ANXA8: variants seen among roughly 807,000 people sequenced by gnomAD.
ANXA8 encodes the protein annexin A8.
A neutral mutation model predicts 26.8 loss-of-function variants in ANXA8; 9 were observed. The observed-to-expected ratio is 0.34, with a 90% CI of 0.20 to 0.59. ANXA8 has a LOEUF of 0.59. ANXA8 is among the 20% of genes least tolerant of loss of function. The pLI is 0.84. For synonymous variants in ANXA8, 39 were observed against 94.8 expected (o/e 0.41, Z 3.42); for missense variants, 83 against 238.5 (o/e 0.35, Z 4.29).
the ANXA8 span, among the ~76,000 whole-genome samples, chr10:47,957,967 C>T: frequency 2.7e-5 from 4 of 150,410 alleles, no homozygotes; most frequent in Non-Finnish European, 5.9e-5. Context: ...TGAACTTACC[C>T]GAAGATCCTT....
chr10:47,548,976 T>C, the ANXA8 span, among the ~76,000 whole-genome samples: 9 of 152,406 alleles, frequency 5.9e-5, no homozygotes, highest in African/African-American at 1.9e-4. Flanking sequence ...GAAGAAATGG[T>C]ACTTACTATG....
the ANXA8 span, chr10:47,502,247 G>A: frequency 6.3e-7 from 1 of 1,592,930 alleles, no homozygotes. Context: ...GCCAGATGGA[G>A]TGCCGTGCAG....
At chr10:47,733,235 CTTTCTTTCTTTCTTTCTT>C in the ANXA8 span, among the ~76,000 whole-genome samples, 12 of 47,102 alleles carry the variant, frequency 2.5e-4, no homozygotes, top group South Asian at 1.5e-3. Context: ...TTCTTTCTCT[CTTTCTTTCTTTCTTTCTT>C]TCTTTCTTTC....
upstream of ANXA8, chr10:47,487,175 G>C (rs1840063414): frequency 8.9e-7 from 1 of 1,126,794 alleles, no homozygotes. Flanking sequence ...AAAATACTTT[G>C]CCTAGTGTTT....
At chr10:47,753,083 G>A in the ANXA8 span, 4 of 927,344 alleles carry the variant, frequency 4.3e-6, no homozygotes, top group Non-Finnish European at 5.1e-6. Context: ...ACTCCAGCCT[G>A]GGTGACAAGA....
At chr10:47,571,544 T>A in the ANXA8 span, among the ~76,000 whole-genome samples, 2 of 149,460 alleles carry the variant, frequency 1.3e-5, no homozygotes, top group Non-Finnish European at 2.9e-5. Context: ...GTGTTTAGCA[T>A]CAGCTTGTAA....
chr10:47,469,436 G>A (rs1236757836), intron 11 of ANXA8, among the ~76,000 whole-genome samples: 3 of 150,724 alleles, frequency 2.0e-5, no homozygotes, highest in African/African-American at 7.3e-5. Flanking sequence ...CTGTGCTGCT[G>A]TGCATCTTGC....
chr10:47,679,700 C>T, the ANXA8 span, among the ~76,000 whole-genome samples: 2 of 151,550 alleles, frequency 1.3e-5, no homozygotes, highest in African/African-American at 4.9e-5. Flanking sequence ...AGGATGATCG[C>T]TTGAGCCCAG....
the ANXA8 span, among the ~76,000 whole-genome samples, chr10:47,606,962 C>CT: frequency 6.6e-6 from 1 of 151,974 alleles, no homozygotes; most frequent in Non-Finnish European, 1.5e-5. Flanking sequence ...TTTCACAGCA[C>CT]TTTTTGTCTT....
chr10:47,631,620 G>T, the ANXA8 span, among the ~76,000 whole-genome samples: 4 of 150,170 alleles, frequency 2.7e-5, no homozygotes, highest in Non-Finnish European at 4.4e-5. Flanking sequence ...GAATAACCAG[G>T]GTTGAGAACC....
the ANXA8 span, among the ~76,000 whole-genome samples, chr10:47,664,424 T>G: frequency 6.7e-6 from 1 of 150,358 alleles, no homozygotes; most frequent in Non-Finnish European, 1.5e-5. Context: ...AAAAATTAGC[T>G]GGGTGTGGTG....
chr10:47,970,440 C>A, the ANXA8 span: 2 of 150,876 alleles, frequency 1.3e-5, no homozygotes, highest in African/African-American at 2.4e-5. Context: ...GGGTGAGGGC[C>A]ATTTGAAGAG....
At chr10:47,668,587 G>C in the ANXA8 span, among the ~76,000 whole-genome samples, 1 of 151,508 alleles carries the variant, frequency 6.6e-6, no homozygotes, top group Non-Finnish European at 1.5e-5. Context: ...CTAATGATGG[G>C]GTATAAAATT....
the ANXA8 span, among the ~76,000 whole-genome samples, chr10:47,755,190 C>T: frequency 1.3e-5 from 2 of 151,568 alleles, no homozygotes; most frequent in African/African-American, 4.9e-5. Context: ...CTCTTGATGT[C>T]GTAATCCACC....
the ANXA8 span, among the ~76,000 whole-genome samples, chr10:47,621,356 TCA>T: frequency 1.8e-5 from 2 of 111,568 alleles, 1 homozygote; most frequent in East Asian, 4.3e-4. Context: ...TTCATGTACC[TCA>T]CACAAATGTA....
At chr10:47,652,251 A>G in the ANXA8 span, among the ~76,000 whole-genome samples, 1 of 151,754 alleles carries the variant, frequency 6.6e-6, no homozygotes, top group African/African-American at 2.4e-5. Flanking sequence ...AAACTACTGA[A>G]TTGTATACTT....
the ANXA8 span, among the ~76,000 whole-genome samples, chr10:47,649,215 A>T: frequency 1.3e-5 from 2 of 149,584 alleles, no homozygotes; most frequent in African/African-American, 2.5e-5. Flanking sequence ...ATTTTCAAAC[A>T]TGTTATTGCC....
chr10:47,683,867 T>C, the ANXA8 span, among the ~76,000 whole-genome samples: 1 of 151,308 alleles, frequency 6.6e-6, no homozygotes, highest in Middle Eastern at 3.4e-3. Flanking sequence ...CTACAGGGAG[T>C]TTTTTCACTC....
chr10:47,474,861 G>A (rs1193150167), intron 7 of ANXA8, 84 bp downstream of exon 7: 17 of 1,486,780 alleles, frequency 1.1e-5, no homozygotes, highest in Non-Finnish European at 1.5e-5. Context: ...CCAGCCCAGT[G>A]TCAGAGAAAG....
Sources: gnomAD v4.1 joint callset for allele counts (sites outside exome capture counted in the v4.1 genomes callset) on GRCh38, gnomAD v4.1.1 for gene constraint, MANE v1.5 for transcripts, NCBI Gene and HGNC (gene_info 2026-07-23, HGNC 2026-07-21) for gene names.